The following TXLNA variants were observed in gnomAD, a reference collection of about 807,000 sequenced individuals.
The protein encoded by TXLNA is alpha-taxilin.
TXLNA carries 9 observed loss-of-function variants against 61.4 expected under a neutral mutation model. The ratio of observed to expected loss-of-function variants is 0.15; its 90% CI spans 0.09 to 0.26. The LOEUF (loss-of-function observed/expected upper bound fraction) is 0.26, where lower values mean the gene tolerates loss of function less well. TXLNA is among the 10% of genes least tolerant of loss of function. TXLNA has a pLI of 1.00. For synonymous variants in TXLNA, 257 were observed against 267.7 expected, an observed-to-expected ratio of 0.96 and a Z score of 0.39; for missense variants, 565 against 688.8, an observed-to-expected ratio of 0.82 and a Z score of 2.01.
chr1:32,180,145 A>C, intron 1 of TXLNA, 169 bp from the exon 2 acceptor site: 3 of 586,042 alleles, frequency 5.1e-6, no homozygotes, highest in Non-Finnish European at 8.5e-6. Flanking sequence ...CTGCCCCGGC[A>C]CGTCGGGCTC....
Position 32,180,298 on chromosome 1 carries a change from GTGTT to G in TXLNA, c.-32-10_-32-7del. 6.5e-7 allele frequency: 1 copy of G among 1,549,610 alleles called. No individual in the cohort carries two copies. Among genetic ancestry groups the G allele is most frequent in the Non-Finnish European group, 8.7e-7 (1 of 1,149,928 alleles). ...TTTCGAAGTCTGGAAAATAGCAACT[GTGTT>G]TGTTTCTAAAGGATCTTCTCCTGAC... On this transcript the variant is annotated splice_polypyrimidine_tract_variant and intron_variant, in intron 1 of 10. Transcript: ENST00000373610.
chr1:32,186,724 G>T (rs1374161977), intron 4 of TXLNA, among the ~76,000 whole-genome samples: 1 of 152,178 alleles, frequency 6.6e-6, no homozygotes, highest in Non-Finnish European at 1.5e-5. Context: ...AAAAAGATAG[G>T]TGATGGTAGT....
chr1:32,182,665 A>G (rs1642691462), intron 3 of TXLNA, among the ~76,000 whole-genome samples: 1 of 151,330 alleles, frequency 6.6e-6, no homozygotes, highest in Non-Finnish European at 1.5e-5. Flanking sequence ...CTGTCTCAAA[A>G]AAAAAAAAAA....
At position 32,192,490 on chromosome 1, in the gene TXLNA, C is replaced by T. The variant is rs908851499; in HGVS notation, c.1083+60C>T. 11 of 1,605,370 alleles carry T rather than the reference C, an allele frequency of 6.9e-6. No homozygotes were observed. The African/African-American group carries it at 1.5e-4, about 21-fold the overall frequency. ...GGAGGAGACAGGCTGGGCTCTGGCTCAGCTCATAGCCGGGTTATATGGGAG... is the reference window on the plus strand; with the variant it reads ...GGAGGAGACAGGCTGGGCTCTGGCTTAGCTCATAGCCGGGTTATATGGGAG... On this transcript the variant is annotated intron_variant, in intron 7 of 10. Transcript: ENST00000373610. The surrounding 1 kb of genome is among the most constrained non-coding windows in gnomAD (Gnocchi z 4.2).
At position 32,195,229 on chromosome 1, in the gene TXLNA, C is replaced by T. The variant is rs779679168; in HGVS notation, c.*34C>T. 64 of 1,533,010 alleles carry T rather than the reference C, an allele frequency of 4.2e-5. No individual in the cohort carries two copies. The highest frequency in any genetic ancestry group is 6.8e-5 in the East Asian group (3 of 44,260). The allele number at this position is 1,533,010 out of a possible 1,614,324, so 95.0% of individuals were successfully genotyped here. A position where few individuals can be genotyped will look rare whatever the true frequency, so the allele number is the denominator to read the frequency against. The stretch of plus-strand genomic sequence containing the variant: ...GTGTTGGGTCATGCTGGGAAGGGAG[C>T]GGCAGCCCAGCCAGGCCTGGCCCAT... On this transcript the variant is annotated 3_prime_UTR_variant, in exon 11 of 11. Coordinates refer to ENST00000373610, the MANE Select transcript of TXLNA (RefSeq NM_175852.4).
chr1:32,191,481 G>A (rs189406391), intron 6 of TXLNA, among the ~76,000 whole-genome samples: 4 of 152,200 alleles, frequency 2.6e-5, no homozygotes, highest in East Asian at 3.9e-4. Context: ...ATCCCTCAGC[G>A]CTGAGACATA....
intron 3 of TXLNA, 139 bp from the exon 4 acceptor site, chr1:32,184,386 G>T: frequency 1.4e-5 from 9 of 624,578 alleles, no homozygotes; most frequent in African/African-American, 1.8e-5. Flanking sequence ...TGGTCCTTAT[G>T]GCAAGGAAGG....
chr1:32,188,066 C>A lies in TXLNA; in HGVS notation c.710C>A (p.Ala237Asp). 6.3e-7 allele frequency: 1 copy of A among 1,594,414 alleles called. No homozygotes were observed. Among genetic ancestry groups the A allele is most frequent in the Non-Finnish European group, 8.5e-7 (1 of 1,170,278 alleles). Residue 237 changes from alanine to aspartate, a missense_variant, in exon 5 of 11, where the codon GCC (alanine) becomes GAC (aspartate). Transcript: ENST00000373610. ...GGTGAGCACAGCAAGGCCGTCCTGGCCCGCAGCAAGCTTGAGAGCCTATGC... is the reference window on the plus strand; with the variant it reads ...GGTGAGCACAGCAAGGCCGTCCTGGACCGCAGCAAGCTTGAGAGCCTATGC... ...LRGEHSKAVL[A>D]RSKLESLCRE...
At chr1:32,183,593 AT>A (rs1399040923) in intron 3 of TXLNA, among the ~76,000 whole-genome samples, 1 of 137,854 alleles carries the variant, frequency 7.3e-6, no homozygotes, top group Non-Finnish European at 1.5e-5. Flanking sequence ...TGCCCGGCTA[AT>A]TTTTTTGTAT....
In TXLNA at chr1:32,195,967, ATTTCTTTTTCTTTTTTTTTTTT is replaced by A. The variant is rs1002326428; in HGVS notation, c.*793_*814del. 22 of 147,104 alleles carry A rather than the reference ATTTCTTTTTCTTTTTTTTTTTT, an allele frequency of 1.5e-4. No individual in the cohort carries two copies. The highest frequency in any genetic ancestry group is 2.5e-4 in the South Asian group (2 of 8,028). 9.1% of individuals were successfully genotyped at this position (147,104 alleles called of 1,614,324 possible). A position where few individuals can be genotyped will look rare whatever the true frequency, so the allele number is the denominator to read the frequency against. On this transcript the variant is annotated 3_prime_UTR_variant, in exon 11 of 11. Transcript: ENST00000373610. ...TATTTCTGAAGGTGTTTTTTTCTTTATTTCTTTTTCTTTTTTTTTTTTTTTCTTTTTCTTTTTTTTTTGCACA... is the reference window on the plus strand; with the variant it reads ...TATTTCTGAAGGTGTTTTTTTCTTTATTTCTTTTTCTTTTTTTTTTGCACA...
In TXLNA at chr1:32,184,627, C is replaced by G. The variant is rs538674329; in HGVS notation, c.597+11C>G. ...AAGTATGCTGAACTGGTCAGTTCCCCCCTCCGCGGGCACCTTCCCTGCGTT... is the reference window on the plus strand; with the variant it reads ...AAGTATGCTGAACTGGTCAGTTCCCGCCTCCGCGGGCACCTTCCCTGCGTT... On this transcript the variant is annotated intron_variant, in intron 4 of 10. Transcript: ENST00000373610. 1.3e-6 allele frequency: 2 copies of G among 1,585,282 alleles called. No homozygotes were observed. The highest frequency in any genetic ancestry group is 3.4e-5 in the Admixed American group (2 of 58,952).
chr1:32,184,681 G>A lies in TXLNA; in HGVS notation c.597+65G>A, dbSNP rs1642743293. 6 of 1,152,606 alleles carry A rather than the reference G, an allele frequency of 5.2e-6. No individual in the cohort carries two copies. The South Asian group carries it at 7.9e-5, about 15-fold the overall frequency. 71.4% of individuals were successfully genotyped at this position (1,152,606 alleles called of 1,614,324 possible). On this transcript the variant is annotated intron_variant, in intron 4 of 10. Coordinates refer to ENST00000373610, the MANE Select transcript of TXLNA (RefSeq NM_175852.4). The stretch of plus-strand genomic sequence containing the variant: ...AAAATCAGCATGCCACCTGGTGTAA[G>A]GTTGGGGGTGCAGAGTCAAGTAGGT...
chr1:32,186,429 A>G (rs1642791562), intron 4 of TXLNA, among the ~76,000 whole-genome samples: 1 of 151,870 alleles, frequency 6.6e-6, no homozygotes, highest in Admixed American at 6.6e-5. Context: ...TGTGAATAGC[A>G]TATGCATTGT....
chr1:32,188,814 C>T lies in TXLNA; in HGVS notation c.768+690C>T, dbSNP rs895305140. Among the ~76,000 whole-genome samples, 4 of 152,186 alleles carry T rather than the reference C, an allele frequency of 2.6e-5. No individual in the cohort carries two copies. In the South Asian group the frequency reaches 8.3e-4, roughly 31 times the overall value. ...TAGTATTTCTCAATGAAATGACAGT[C>T]CCCTGGTAAGCGGAGGCCTGGCTCT... On this transcript the variant is annotated intron_variant, in intron 5 of 10. Coordinates refer to ENST00000373610, the MANE Select transcript of TXLNA (RefSeq NM_175852.4).
chr1:32,183,895 C>T (rs1286392079), intron 3 of TXLNA, among the ~76,000 whole-genome samples: 1 of 151,862 alleles, frequency 6.6e-6, no homozygotes, highest in Non-Finnish European at 1.5e-5. Flanking sequence ...TGCCACCACA[C>T]CAAGCTAATT....
Position 32,192,787 on chromosome 1 carries a change from C to G in TXLNA, c.1158+56C>G, listed in dbSNP as rs1170207455. ...CAAGTTTCCCTCACTGGGCCCCATC[C>G]TGGGGGTAGTGAAATGGGACCCTCA... On this transcript the variant is annotated intron_variant, in intron 8 of 10. Transcript: ENST00000373610. The surrounding 1 kb of genome is among the most constrained non-coding windows in gnomAD (Gnocchi z 4.2). The G allele has an allele frequency of 4.4e-6, 7 of 1,575,132 alleles. No homozygotes were observed. Among genetic ancestry groups the G allele is most frequent in the Non-Finnish European group, 6.1e-6 (7 of 1,145,262 alleles).
intron 5 of TXLNA, among the ~76,000 whole-genome samples, chr1:32,189,157 C>T (rs79088083): frequency 0.018 from 2,773 of 152,076 alleles, 93 homozygotes; most frequent in African/African-American, 0.063. Context: ...TACAATTTTT[C>T]ATTATTACAT....
In TXLNA at chr1:32,192,176, G is replaced by C; in HGVS notation, c.964-135G>C. 2.3e-6 allele frequency: 3 copies of C among 1,317,154 alleles called. No individual in the cohort carries two copies. The highest frequency in any genetic ancestry group is 3.1e-6 in the Non-Finnish European group (3 of 957,902). 81.6% of individuals were successfully genotyped at this position (1,317,154 alleles called of 1,614,324 possible). A position where few individuals can be genotyped will look rare whatever the true frequency, so the allele number is the denominator to read the frequency against. On this transcript the variant is annotated intron_variant, in intron 6 of 10. Transcript: ENST00000373610. This position sits in a 1 kb window ranked among gnomAD's most constrained non-coding sequence, Gnocchi z 4.2. ...CTTCCAGAGACTTGGGGCCCATGTTGTGTGGTACACATGGGAGTCCATCAT... is the reference window on the plus strand; with the variant it reads ...CTTCCAGAGACTTGGGGCCCATGTTCTGTGGTACACATGGGAGTCCATCAT...
intron 2 of TXLNA, among the ~76,000 whole-genome samples, chr1:32,180,944 C>G (rs1032014538): frequency 6.6e-6 from 1 of 152,196 alleles, no homozygotes; most frequent in African/African-American, 2.4e-5. Flanking sequence ...CTTTTATGAT[C>G]TAACAAATAT....
Sources: allele counts gnomAD v4.1 joint callset (sites outside exome capture counted in the v4.1 genomes callset), GRCh38; gene constraint gnomAD v4.1.1; non-coding constraint Gnocchi (gnomAD v3.1); transcripts MANE v1.5; gene names NCBI Gene and HGNC (gene_info 2026-07-23, HGNC 2026-07-21).